The following PKD2L2 variants were observed in gnomAD, a reference collection of about 807,000 sequenced individuals.
PKD2L2 encodes polycystin-2-like protein 2.
Under a neutral mutation model 83.9 loss-of-function variants are expected in PKD2L2, and 67 were observed. That is an observed-to-expected ratio of 0.80 (90% CI 0.66 to 0.98). The LOEUF (loss-of-function observed/expected upper bound fraction) is 0.98, where lower values mean the gene tolerates loss of function less well. Ranked by LOEUF, PKD2L2 falls within the 50% of genes least tolerant of loss-of-function variation. The pLI, the probability that PKD2L2 is intolerant of heterozygous loss-of-function variation, is 0.00. For missense variants in PKD2L2, 632 were observed against 717.2 expected (o/e 0.88, Z 1.36); for synonymous variants, 223 against 237.8 (o/e 0.94, Z 0.57).
At chr5:137,929,510 T>C (rs1217702878) in intron 12 of PKD2L2, among the ~76,000 whole-genome samples, 1 of 50,416 alleles carries the variant, frequency 2.0e-5, no homozygotes, top group Non-Finnish European at 4.0e-5. Flanking sequence ...CAAAAATACA[T>C]ATATTTCTAT....
At chr5:137,916,794 T>G (rs1023073983) in intron 8 of PKD2L2, among the ~76,000 whole-genome samples, 1 of 152,114 alleles carries the variant, frequency 6.6e-6, no homozygotes, top group East Asian at 1.9e-4. Context: ...TTTTTTTTCT[T>G]TTAGCACTTT....
At position 137,906,375 on chromosome 5, in the gene PKD2L2, G is replaced by A. The variant is rs1175218055; in HGVS notation, c.916G>A (p.Glu306Lys). The change falls in exon 6 of 15, where the codon GAA becomes AAA. Residue 306 changes from glutamate (E) to lysine (K), a missense_variant. This residue lies in a region of PKD2L2 where 399 missense variants were observed against 416.9 expected (regional missense o/e 0.96). Coordinates refer to ENST00000508883, the MANE Select transcript of PKD2L2 (RefSeq NM_001300921.2). ...FTTQEVKKIK[E>K]FKSAYFKSIW... is the part of the protein sequence containing the mutation. ...AACACAAGAAGTCAAAAAAATAAAA[G>A]AATTTAAGTCTGCCTATTTCAAAAG... The A allele has an allele frequency of 6.2e-7, 1 of 1,610,640 alleles. No homozygotes were observed. Among genetic ancestry groups the A allele is most frequent in the Non-Finnish European group, 8.5e-7 (1 of 1,177,564 alleles).
At chr5:137,907,385 TGTA>T (rs777132967) in intron 6 of PKD2L2, among the ~76,000 whole-genome samples, 9 of 152,208 alleles carry the variant, frequency 5.9e-5, no homozygotes, top group Non-Finnish European at 1.3e-4. Flanking sequence ...AATTGTTTCT[TGTA>T]GTGTTACACG....
chr5:137,926,676 C>T (rs1258485510), intron 12 of PKD2L2, among the ~76,000 whole-genome samples: 5 of 152,174 alleles, frequency 3.3e-5, no homozygotes, highest in Non-Finnish European at 5.9e-5. Flanking sequence ...ATAGCATTCT[C>T]CTCTAAAACC....
At chr5:137,926,037 T>C (rs1376006981) in intron 12 of PKD2L2, 108 bp downstream of exon 12, 1 of 611,538 alleles carries the variant, frequency 1.6e-6, no homozygotes, top group Non-Finnish European at 3.0e-6. Context: ...TTCAGAATAG[T>C]AATTGTCATC....
intron 6 of PKD2L2, 101 bp from the exon 7 acceptor site, chr5:137,907,641 G>A: frequency 1.7e-6 from 1 of 596,518 alleles, no homozygotes; most frequent in Non-Finnish European, 2.7e-6. Context: ...TTCCCTCTTT[G>A]TTAAACTTTT....
intron 2 of PKD2L2, 84 bp downstream of exon 2, chr5:137,890,666 A>C (rs775137237): frequency 1.4e-5 from 8 of 591,768 alleles, no homozygotes; most frequent in Non-Finnish European, 2.3e-5. Context: ...ACAAACTTCA[A>C]AACCACAGGC....
At chr5:137,927,302 C>T (rs535390187) in intron 12 of PKD2L2, among the ~76,000 whole-genome samples, 1 of 152,200 alleles carries the variant, frequency 6.6e-6, no homozygotes, top group Non-Finnish European at 1.5e-5. Flanking sequence ...CTTTCTGTGA[C>T]ATCCTTGTCA....
In PKD2L2 at chr5:137,907,776, A is replaced by T; in HGVS notation, c.1010A>T (p.Tyr337Phe). The change falls in exon 7 of 15, where the codon TAT (tyrosine) becomes TTT (phenylalanine). Residue 337 changes from tyrosine (Y) to phenylalanine (F), a missense_variant. Physicochemically the swap from Tyr to Phe is conservative, Grantham distance 22. Around this residue, in one of 3 missense-constraint regions of PKD2L2, gnomAD observed 399 missense variants for 416.9 expected, o/e 0.96. Coordinates refer to ENST00000508883, the MANE Select transcript of PKD2L2 (RefSeq NM_001300921.2). ...CFVAVSFNTY[Y>F]NVQIFLLLGQ... ...GTGGCTGTTTCCTTCAACACATACT[A>T]TAATGTACAAATTTTTCTCTTACTT... is the stretch of plus-strand genomic sequence containing the variant. 1.9e-6 allele frequency: 3 copies of T among 1,581,148 alleles called. No individual in the cohort carries two copies. The highest frequency in any genetic ancestry group is 2.6e-6 in the Non-Finnish European group (3 of 1,162,912).
intron 4 of PKD2L2, 37 bp downstream of exon 4, chr5:137,894,646 C>T (rs1561674408): frequency 6.6e-7 from 1 of 1,516,880 alleles, no homozygotes; most frequent in African/African-American, 1.4e-5. Context: ...CTTTTTCTAG[C>T]ATTTACTGTT....
At chr5:137,926,039 AT>A in intron 12 of PKD2L2, 110 bp downstream of exon 12, 1 of 603,962 alleles carries the variant, frequency 1.7e-6, no homozygotes, top group East Asian at 2.8e-5. Context: ...CAGAATAGTA[AT>A]TGTCATCTCC....
intron 12 of PKD2L2, among the ~76,000 whole-genome samples, chr5:137,926,373 A>C (rs1258445329): frequency 6.6e-6 from 1 of 152,220 alleles, no homozygotes; most frequent in Non-Finnish European, 1.5e-5. Context: ...TTAAAAAAAA[A>C]AAAGTGAACC....
Position 137,892,394 on chromosome 5 carries a change from A to G in PKD2L2, c.134-86A>G, listed in dbSNP as rs985454617. The stretch of plus-strand genomic sequence containing the variant: ...TTAGATTAATAAAGTTTAATTTTCA[A>G]AATTGAGAAAAAAATGTAACATTTT... On this transcript the variant is annotated intron_variant, in intron 2 of 14. Transcript: ENST00000508883. 4.0e-5 allele frequency: 27 copies of G among 677,380 alleles called. No homozygotes were observed. In the Admixed American group the frequency reaches 4.2e-4, roughly 10 times the overall value. The allele number at this position is 677,380 out of a possible 1,614,324, so 42.0% of individuals were successfully genotyped here. A position where few individuals can be genotyped will look rare whatever the true frequency, so the allele number is the denominator to read the frequency against.
intron 6 of PKD2L2, among the ~76,000 whole-genome samples, chr5:137,906,770 TG>T (rs5871653): frequency 0.69 from 105,438 of 151,858 alleles, 37,190 homozygotes; most frequent in East Asian, 0.97. Flanking sequence ...CACGGGTCTT[TG>T]GGGGCAAGGT....
In PKD2L2 at chr5:137,908,853, T is replaced by A. The variant is rs1757575278; in HGVS notation, c.1235T>A (p.Ile412Asn). 1.9e-6 allele frequency: 3 copies of A among 1,597,740 alleles called. No homozygotes were observed. The highest frequency in any genetic ancestry group is 2.6e-6 in the Non-Finnish European group (3 of 1,165,746). Residue 412 changes from isoleucine to asparagine, a missense_variant, in exon 8 of 15, where the codon ATC (isoleucine) becomes AAC (asparagine). Around this residue, in one of 3 missense-constraint regions of PKD2L2, gnomAD observed 399 missense variants for 416.9 expected, o/e 0.96. Coordinates refer to ENST00000508883, the MANE Select transcript of PKD2L2 (RefSeq NM_001300921.2). Reference protein sequence around the residue: ...RCVKDIVGFAIMFFIIFFAYA... With the variant: ...RCVKDIVGFANMFFIIFFAYA... ...GTTAAAGACATAGTAGGATTTGCCATCATGTTTTTTATAATATTCTTTGCT... is the reference window on the plus strand; with the variant it reads ...GTTAAAGACATAGTAGGATTTGCCAACATGTTTTTTATAATATTCTTTGCT...
chr5:137,921,797 A>G, intron 9 of PKD2L2, 41 bp downstream of exon 9: 1 of 1,408,576 alleles, frequency 7.1e-7, no homozygotes, highest in Non-Finnish European at 9.8e-7. Flanking sequence ...TACTTTTTAG[A>G]ATAAAAAGTA....
intron 8 of PKD2L2, among the ~76,000 whole-genome samples, chr5:137,913,155 G>A (rs1275993714): frequency 1.4e-4 from 21 of 149,458 alleles, no homozygotes; most frequent in Non-Finnish European, 2.4e-4. Context: ...GATTAAAGGC[G>A]TGAGCCACCG....
At chr5:137,895,584 C>G (rs914645434) in intron 4 of PKD2L2, among the ~76,000 whole-genome samples, 1 of 151,568 alleles carries the variant, frequency 6.6e-6, no homozygotes, top group Non-Finnish European at 1.5e-5. Flanking sequence ...ACACTTTGTG[C>G]TTTTAGAGCT....
At chr5:137,923,120 A>C (rs766100957) in intron 9 of PKD2L2, among the ~76,000 whole-genome samples, 8 of 149,952 alleles carry the variant, frequency 5.3e-5, no homozygotes, top group Non-Finnish European at 8.9e-5. Context: ...GGTTCAAGAG[A>C]TTCTCCTGCC....
Sources: gnomAD v4.1 joint callset for allele counts (sites outside exome capture counted in the v4.1 genomes callset) on GRCh38, gnomAD v4.1.1 for gene constraint, gnomAD v4.1.1 regional missense constraint, MANE v1.5 for transcripts, NCBI Gene and HGNC (gene_info 2026-07-23, HGNC 2026-07-21) for gene names.